TTC27: variants seen among roughly 807,000 people sequenced by gnomAD.
TTC27 encodes the protein tetratricopeptide repeat protein 27.
In TTC27, 79 loss-of-function variants were observed where a neutral mutation model predicts 115.9. The observed-to-expected ratio is 0.68, with a 90% CI of 0.57 to 0.82. The LOEUF is 0.82. Among genes scored for constraint, TTC27 ranks in the 40% least tolerant of loss-of-function variants. TTC27 has a pLI of 0.00. For synonymous variants in TTC27, 401 were observed against 356.0 expected, an observed-to-expected ratio of 1.13 and a Z score of -1.42; for missense variants, 1,054 against 993.1, an observed-to-expected ratio of 1.06 and a Z score of -0.82.
intron 16 of TTC27, among the ~76,000 whole-genome samples, chr2:32,803,140 A>G (rs1175699565): frequency 6.6e-6 from 1 of 152,198 alleles, no homozygotes; most frequent in Non-Finnish European, 1.5e-5. Context: ...CACCATCACC[A>G]AGTGGCCTGG....
At chr2:32,786,230 T>G (rs1354990783) in intron 15 of TTC27, among the ~76,000 whole-genome samples, 1 of 152,152 alleles carries the variant, frequency 6.6e-6, no homozygotes, top group Non-Finnish European at 1.5e-5. Flanking sequence ...CAAGTGATTC[T>G]TGTGTCTCAG....
chr2:32,703,537 T>G (rs1048079774), intron 10 of TTC27, among the ~76,000 whole-genome samples: 7 of 152,110 alleles, frequency 4.6e-5, no homozygotes, highest in African/African-American at 1.7e-4. Flanking sequence ...GAAGAATTAA[T>G]AAATAAAGAT....
At chr2:32,678,991 G>T (rs1309125696) in intron 9 of TTC27, 69 bp downstream of exon 9, 1 of 1,375,472 alleles carries the variant, frequency 7.3e-7, no homozygotes, top group Non-Finnish European at 1.0e-6. Context: ...GTATGGTCTT[G>T]CCTTGGATTG....
At chr2:32,686,729 G>A (rs1020746639) in intron 9 of TTC27, among the ~76,000 whole-genome samples, 4 of 152,068 alleles carry the variant, frequency 2.6e-5, no homozygotes, top group Non-Finnish European at 4.4e-5. Flanking sequence ...GGCAAGGTGC[G>A]AAAACAAAAA....
intron 16 of TTC27, among the ~76,000 whole-genome samples, chr2:32,795,336 G>A (rs942650996): frequency 7.3e-5 from 11 of 151,366 alleles, no homozygotes; most frequent in African/African-American, 2.7e-4. Context: ...ACAGAATGAG[G>A]GGAAAAAAAA....
intron 5 of TTC27, 125 bp downstream of exon 5, chr2:32,650,358 T>TC (rs1559187613): frequency 4.8e-5 from 16 of 332,096 alleles, no homozygotes; most frequent in African/African-American, 2.2e-4. Flanking sequence ...TGTTTCTTTT[T>TC]TTTTTTTTTT....
intron 9 of TTC27, among the ~76,000 whole-genome samples, chr2:32,694,918 A>G (rs977733671): frequency 6.6e-6 from 1 of 151,868 alleles, no homozygotes; most frequent in African/African-American, 2.4e-5. Context: ...GGCTCAAGCA[A>G]TCCTCCTGTC....
Position 32,664,425 on chromosome 2 carries a change from G to A in TTC27, c.763G>A (p.Asp255Asn). Reference protein sequence around the residue: ...YEYRKAKDQLDIAKDISQLQI... With the variant: ...YEYRKAKDQLNIAKDISQLQI... ...GTACAGAAAAGCAAAAGATCAGTTG[G>A]ATATTGCTAAGGACATCAGCCAATT... Residue 255 changes from aspartate to asparagine, a missense_variant, in exon 6 of 20, where the codon GAT (aspartate) becomes AAT (asparagine). Asp to Asn is a conservative substitution (Grantham distance 23, BLOSUM62 1). Coordinates refer to ENST00000317907, the MANE Select transcript of TTC27 (RefSeq NM_017735.5). The A allele has an allele frequency of 6.2e-7, 1 of 1,611,598 alleles. No homozygotes were observed. The highest frequency in any genetic ancestry group is 8.5e-7 in the Non-Finnish European group (1 of 1,179,336).
chr2:32,710,662 C>T (rs1220454697), intron 10 of TTC27, among the ~76,000 whole-genome samples: 1 of 151,818 alleles, frequency 6.6e-6, no homozygotes. Flanking sequence ...CTCCTGACCT[C>T]AAGTGATCTG....
intron 10 of TTC27, among the ~76,000 whole-genome samples, chr2:32,726,711 T>C (rs1051751596): frequency 6.6e-6 from 1 of 152,252 alleles, no homozygotes; most frequent in Non-Finnish European, 1.5e-5. Context: ...TTTGTGTATC[T>C]TTCCAGCAGC....
intron 12 of TTC27, among the ~76,000 whole-genome samples, chr2:32,754,829 C>CT (rs1278006042): frequency 6.9e-6 from 1 of 145,830 alleles, no homozygotes; most frequent in East Asian, 2.1e-4. Flanking sequence ...GGGGGCTGAC[C>CT]CCCCCCACCT....
intron 9 of TTC27, among the ~76,000 whole-genome samples, chr2:32,693,136 TA>T (rs991574134): frequency 2.6e-5 from 4 of 152,248 alleles, no homozygotes; most frequent in African/African-American, 9.6e-5. Flanking sequence ...CCCAGAACTT[TA>T]AATTTGTTGT....
chr2:32,774,087 A>G (rs986333149), intron 13 of TTC27, among the ~76,000 whole-genome samples: 5 of 152,202 alleles, frequency 3.3e-5, no homozygotes, highest in African/African-American at 1.2e-4. Context: ...AAATGTCTCA[A>G]TAACTTTGTA....
chr2:32,650,274 G>C (rs1665046588), intron 5 of TTC27, 41 bp downstream of exon 5: 1 of 1,432,552 alleles, frequency 7.0e-7, no homozygotes, highest in Admixed American at 1.8e-5. Context: ...ATGTAGCTCA[G>C]TTCTAATTAC....
chr2:32,782,824 TAATTC>T (rs973771588), intron 15 of TTC27, 146 bp downstream of exon 15: 1 of 532,830 alleles, frequency 1.9e-6, no homozygotes, highest in African/African-American at 1.9e-5. Context: ...TAGAAAAACT[TAATTC>T]AAACTAAATT....
At position 32,634,017 on chromosome 2, in the gene TTC27, G is replaced by A. The variant is rs1205410840; in HGVS notation, c.396+12G>A. 6.2e-7 allele frequency: 1 copy of A among 1,607,056 alleles called. No homozygotes were observed. Among genetic ancestry groups the A allele is most frequent in the East Asian group, 2.2e-5 (1 of 44,760 alleles). On this transcript the variant is annotated intron_variant, in intron 3 of 19. Coordinates refer to ENST00000317907, the MANE Select transcript of TTC27 (RefSeq NM_017735.5). ...AGCAATTCAGTGAGGTATGCTTCTT[G>A]AAAATGTTGTATGTAATTATTATTA...
intron 13 of TTC27, among the ~76,000 whole-genome samples, chr2:32,761,349 T>C (rs534747439): frequency 5.3e-5 from 8 of 152,298 alleles, no homozygotes; most frequent in Non-Finnish European, 1.2e-4. Context: ...ATCCCCATTG[T>C]CTTGCACCTG....
At chr2:32,649,193 G>A (rs1367437283) in intron 4 of TTC27, among the ~76,000 whole-genome samples, 2 of 152,096 alleles carry the variant, frequency 1.3e-5, no homozygotes, top group Non-Finnish European at 2.9e-5. Context: ...AGACTGTAAG[G>A]AAGAGGTTTC....
chr2:32,760,193 A>G (rs1411380534), intron 13 of TTC27, among the ~76,000 whole-genome samples: 2 of 152,276 alleles, frequency 1.3e-5, no homozygotes, highest in Non-Finnish European at 2.9e-5. Flanking sequence ...GAATATAATT[A>G]GAACTTTCCA....
Sources: gnomAD v4.1 joint callset for allele counts (sites outside exome capture counted in the v4.1 genomes callset) on GRCh38, gnomAD v4.1.1 for gene constraint, MANE v1.5 for transcripts, NCBI Gene and HGNC (gene_info 2026-07-23, HGNC 2026-07-21) for gene names.